NRG1: variants seen among roughly 807,000 people sequenced by gnomAD.
The protein encoded by NRG1 is neuregulin 1, also known as pro-neuregulin-1, membrane-bound isoform.
Under a neutral mutation model 63.8 loss-of-function variants are expected in NRG1, and 18 were observed. The ratio of observed to expected loss-of-function variants is 0.28; its 90% CI spans 0.19 to 0.42. The LOEUF (loss-of-function observed/expected upper bound fraction) is 0.42. Among genes scored for constraint, NRG1 ranks in the 10% least tolerant of loss-of-function variants. The probability of loss-of-function intolerance (pLI) is 1.00; values close to 1 mark genes in which losing one functional copy is unlikely to be tolerated. For missense variants in NRG1, 762 were observed against 814.7 expected (o/e 0.94, Z 0.79); for synonymous variants, 302 against 301.3 (o/e 1.00, Z -0.02).
At chr8:32,533,314 G>A (rs938342219) in intron 1 of NRG1, among the ~76,000 whole-genome samples, 2 of 151,916 alleles carry the variant, frequency 1.3e-5, no homozygotes, top group Non-Finnish European at 2.9e-5. Context: ...GCATGTAATC[G>A]GGATATTTAA....
At chr8:32,639,134 G>T (rs1202108505) in intron 5 of NRG1, among the ~76,000 whole-genome samples, 1 of 152,152 alleles carries the variant, frequency 6.6e-6, no homozygotes, top group Non-Finnish European at 1.5e-5. Flanking sequence ...GGCCAGGCGT[G>T]GTGGCTCATG....
intron 1 of NRG1, among the ~76,000 whole-genome samples, chr8:31,739,729 T>G (rs1418484265): frequency 2.0e-5 from 3 of 152,136 alleles, no homozygotes; most frequent in Non-Finnish European, 4.4e-5. Context: ...AGAATTTCTC[T>G]TCTTTTGATG....
chr8:32,717,914 A>G (rs557034878), intron 5 of NRG1, among the ~76,000 whole-genome samples: 1 of 152,330 alleles, frequency 6.6e-6, no homozygotes, highest in East Asian at 1.9e-4. Context: ...GCCTCAAAGT[A>G]CTGAAAGTTT....
intron 1 of NRG1, among the ~76,000 whole-genome samples, chr8:32,482,233 G>T (rs1825381037): frequency 6.6e-6 from 1 of 152,070 alleles, no homozygotes; most frequent in Admixed American, 6.6e-5. Flanking sequence ...TTCCTGATTT[G>T]TTAAAATACT....
At chr8:31,931,205 C>A (rs886208000) in intron 1 of NRG1, among the ~76,000 whole-genome samples, 1 of 152,058 alleles carries the variant, frequency 6.6e-6, no homozygotes, top group Admixed American at 6.6e-5. Flanking sequence ...CTCACCGAAA[C>A]CTTAGGTCAA....
intron 1 of NRG1, among the ~76,000 whole-genome samples, chr8:32,490,439 A>G (rs1826421052): frequency 6.6e-6 from 1 of 152,122 alleles, no homozygotes; most frequent in Non-Finnish European, 1.5e-5. Flanking sequence ...TGCTCTGTGC[A>G]AATGAACAGG....
intron 1 of NRG1, among the ~76,000 whole-genome samples, chr8:31,754,968 A>T (rs1372632826): frequency 1.3e-5 from 2 of 152,034 alleles, no homozygotes; most frequent in Non-Finnish European, 2.9e-5. Context: ...TTTACGTGGA[A>T]GCTGAAGTTC....
chr8:32,728,307 T>C (rs894715424), intron 6 of NRG1: 32 of 984,022 alleles, frequency 3.3e-5, no homozygotes, highest in Non-Finnish European at 3.7e-5. Flanking sequence ...TTTTTTGTTT[T>C]TGTTTTTGTT....
chr8:32,018,888 T>C (rs1437071948), intron 1 of NRG1, among the ~76,000 whole-genome samples: 1 of 152,230 alleles, frequency 6.6e-6, no homozygotes, highest in African/African-American at 2.4e-5. Context: ...GTGCTCCACA[T>C]TTAATATTGT....
At chr8:32,470,934 AC>A (rs573487719) in intron 1 of NRG1, among the ~76,000 whole-genome samples, 5 of 152,146 alleles carry the variant, frequency 3.3e-5, no homozygotes, top group African/African-American at 1.2e-4. Context: ...AGCAGCTGGG[AC>A]TATAGGCGCA....
intron 4 of NRG1, among the ~76,000 whole-genome samples, chr8:32,615,150 C>T (rs896360526): frequency 2.0e-5 from 3 of 152,132 alleles, no homozygotes; most frequent in East Asian, 1.9e-4. Flanking sequence ...CAACTTAGAA[C>T]CCAACTCTAG....
At chr8:32,196,151 G>GTGTA (rs1005461608) in intron 1 of NRG1, among the ~76,000 whole-genome samples, 2 of 151,342 alleles carry the variant, frequency 1.3e-5, no homozygotes, top group African/African-American at 4.9e-5. Flanking sequence ...GTGTGTGTGT[G>GTGTA]TATTGGAAAG....
chr8:32,093,337 C>T (rs971258034), intron 1 of NRG1, among the ~76,000 whole-genome samples: 1 of 152,152 alleles, frequency 6.6e-6, no homozygotes, highest in Non-Finnish European at 1.5e-5. Context: ...TTAAGGATAG[C>T]AACAAGTATA....
chr8:31,684,803 T>C (rs1315794848), intron 1 of NRG1, among the ~76,000 whole-genome samples: 1 of 151,864 alleles, frequency 6.6e-6, no homozygotes, highest in Non-Finnish European at 1.5e-5. Context: ...AAAATATAAA[T>C]AGCATACCAA....
chr8:31,981,325 T>TA (rs1003834764), intron 1 of NRG1, among the ~76,000 whole-genome samples: 8 of 151,964 alleles, frequency 5.3e-5, no homozygotes, highest in Non-Finnish European at 8.8e-5. Context: ...GTTTTTTTCC[T>TA]AAAAAAACCC....
intron 1 of NRG1, among the ~76,000 whole-genome samples, chr8:32,159,378 C>CA (rs1393488825): frequency 6.7e-6 from 1 of 149,454 alleles, no homozygotes; most frequent in Non-Finnish European, 1.5e-5. Context: ...ACTAAAAATA[C>CA]AAAAAATTAG....
At chr8:31,863,686 G>T (rs918773016) in intron 1 of NRG1, among the ~76,000 whole-genome samples, 1 of 152,278 alleles carries the variant, frequency 6.6e-6, no homozygotes, top group African/African-American at 2.4e-5. Flanking sequence ...CCCACTTACC[G>T]TTCTCAGAAA....
intron 1 of NRG1, among the ~76,000 whole-genome samples, chr8:32,222,976 A>C (rs560714366): frequency 6.6e-6 from 1 of 152,322 alleles, no homozygotes; most frequent in South Asian, 2.1e-4. Flanking sequence ...TCAATCAAAG[A>C]GAGACAATGG....
At chr8:32,230,973 T>C (rs1846867782) in intron 1 of NRG1, among the ~76,000 whole-genome samples, 1 of 152,160 alleles carries the variant, frequency 6.6e-6, no homozygotes, top group East Asian at 1.9e-4. Flanking sequence ...TCTTATTCTT[T>C]CTATCTAACT....
Sources: gnomAD v4.1 joint callset for allele counts (sites outside exome capture counted in the v4.1 genomes callset) on GRCh38, gnomAD v4.1.1 for gene constraint, MANE v1.5 for transcripts, NCBI Gene and HGNC (gene_info 2026-07-23, HGNC 2026-07-21) for gene names.